The following GGT7 variants were observed in gnomAD, a reference collection of about 807,000 sequenced individuals.
The protein encoded by GGT7 is gamma-glutamyltransferase 7.
Under a neutral mutation model 69.2 loss-of-function variants are expected in GGT7, and 30 were observed. The ratio of observed to expected loss-of-function variants is 0.43; its 90% confidence interval spans 0.32 to 0.59. The LOEUF is 0.59. Among genes scored for constraint, GGT7 ranks in the 20% least tolerant of loss-of-function variants. The probability of loss-of-function intolerance (pLI) is 0.05; values close to 1 mark genes in which losing one functional copy is unlikely to be tolerated. For synonymous variants in GGT7, 388 were observed against 391.8 expected, an observed-to-expected ratio of 0.99 and a Z score of 0.12; for missense variants, 733 against 901.1, an observed-to-expected ratio of 0.81 and a Z score of 2.39.
chr20:34,845,302 C>G lies in GGT7; in HGVS notation c.*26G>C, dbSNP rs776258537. The stretch of plus-strand genomic sequence containing the variant: ...TCTGGGAACATGCAAAGTGGGGGAG[C>G]AGAGACCCCGCCCCACCCCGCTGCT... On this transcript the variant is annotated 3_prime_UTR_variant, in exon 15 of 15. Coordinates refer to ENST00000336431, the MANE Select transcript of GGT7 (RefSeq NM_178026.3). 5.6e-6 allele frequency: 9 copies of G among 1,594,824 alleles called. No homozygotes were observed. Among genetic ancestry groups the G allele is most frequent in the South Asian group, 1.1e-5 (1 of 89,034 alleles).
At chr20:34,854,661 T>C (rs540132652) in intron 9 of GGT7, 42 bp from the exon 10 acceptor site, 1 of 1,578,134 alleles carries the variant, frequency 6.3e-7, no homozygotes, top group African/African-American at 1.3e-5. Context: ...GCCAGGCCCC[T>C]CCCAGAACCC....
In GGT7 at chr20:34,852,552, G is replaced by C. The variant is rs758905905; in HGVS notation, c.1320-14C>G. The stretch of plus-strand genomic sequence containing the variant: ...GCCTCCACCTTGCTGAAAAGACAAG[G>C]GGTGGGAGATGAGCAAACAACAGGC... On this transcript the variant is annotated splice_polypyrimidine_tract_variant and intron_variant, in intron 10 of 14. Coordinates refer to ENST00000336431, the MANE Select transcript of GGT7 (RefSeq NM_178026.3). The C allele has an allele frequency of 6.4e-7, 1 of 1,562,020 alleles. No homozygotes were observed. The highest frequency in any genetic ancestry group is 1.2e-5 in the South Asian group (1 of 84,976).
At chr20:34,858,493 A>C (rs2079530979) in intron 7 of GGT7, among the ~76,000 whole-genome samples, 1 of 152,204 alleles carries the variant, frequency 6.6e-6, no homozygotes, top group Admixed American at 6.5e-5. Context: ...TAATTCCCAC[A>C]ACTGTATGGC....
intron 14 of GGT7, among the ~76,000 whole-genome samples, chr20:34,849,684 A>C (rs932113765): frequency 2.6e-5 from 4 of 152,206 alleles, no homozygotes; most frequent in Non-Finnish European, 4.4e-5. Context: ...CAAACTGTTG[A>C]GTAAATGAAA....
At chr20:34,867,095 T>C (rs1345663445) in intron 1 of GGT7, among the ~76,000 whole-genome samples, 3 of 152,040 alleles carry the variant, frequency 2.0e-5, no homozygotes, top group Non-Finnish European at 2.9e-5. Flanking sequence ...TTGCTGTTGC[T>C]GTTGTTGTTA....
rs182382413 is a variant in GGT7, at chr20:34,849,843, C to T, written c.1825+118G>A. On this transcript the variant is annotated intron_variant, in intron 14 of 14. Transcript: ENST00000336431. ...GTTCACTGCTCCAATAGAAATTTGC[C>T]AAATAAAACCAAACTTCACTGGCAG... The T allele has an allele frequency of 8.0e-5, 48 of 601,208 alleles. 1 individual carries two copies. Among genetic ancestry groups the T allele is most frequent in the Middle Eastern group, 4.5e-4 (1 of 2,226 alleles). 37.2% of individuals were successfully genotyped at this position (601,208 alleles called of 1,614,324 possible). A position where few individuals can be genotyped will look rare whatever the true frequency, so the allele number is the denominator to read the frequency against.
chr20:34,849,986 C>T lies in GGT7; in HGVS notation c.1800G>A (p.Leu600=), dbSNP rs2079362412. 2 of 1,612,610 alleles carry T rather than the reference C, an allele frequency of 1.2e-6. No individual in the cohort carries two copies. The highest frequency in any genetic ancestry group is 8.5e-7 in the Non-Finnish European group (1 of 1,178,860). ...TGTCCACCTGCAGGAGGTTGGACTG[C>T]AGGTCCGGGTGTAGGCGGCCGCGGG... ...SLARGRLHPD[L]QSNLLQVDSE... Residue 600 remains leucine (L), a synonymous_variant, in exon 14 of 15, where the codon CTG becomes CTA. Transcript: ENST00000336431.
At chr20:34,859,738 C>T (rs923961596) in intron 6 of GGT7, 99 bp from the exon 7 acceptor site, 17 of 1,013,458 alleles carry the variant, frequency 1.7e-5, no homozygotes, top group Non-Finnish European at 2.4e-5. Context: ...GTGGCCCACC[C>T]TAAGTGCCCT....
intron 8 of GGT7, among the ~76,000 whole-genome samples, chr20:34,855,206 C>T (rs1442522054): frequency 6.6e-6 from 1 of 152,196 alleles, no homozygotes; most frequent in East Asian, 1.9e-4. Flanking sequence ...AGTCACACTG[C>T]AGGCTATCAG....
chr20:34,859,828 G>T, intron 6 of GGT7, 141 bp downstream of exon 6: 1 of 785,712 alleles, frequency 1.3e-6, no homozygotes, highest in Non-Finnish European at 2.1e-6. Flanking sequence ...GCCGCCTCCA[G>T]GTGAGGGTGG....
chr20:34,864,267 A>G (rs2079652525), intron 1 of GGT7, among the ~76,000 whole-genome samples: 1 of 152,158 alleles, frequency 6.6e-6, no homozygotes, highest in East Asian at 1.9e-4. Flanking sequence ...GCTATAATGT[A>G]GAGCAAAGAG....
At position 34,845,016 on chromosome 20, in the gene GGT7, G is replaced by A. The variant is rs946990009; in HGVS notation, c.*312C>T. 1.0e-4 allele frequency: 37 copies of A among 357,418 alleles called. No individual in the cohort carries two copies. In the Admixed American group the frequency reaches 1.3e-3, roughly 12 times the overall value. 22.1% of individuals were successfully genotyped at this position (357,418 alleles called of 1,614,324 possible). On this transcript the variant is annotated 3_prime_UTR_variant, in exon 15 of 15. Transcript: ENST00000336431. Reference sequence around the variant, plus strand: ...GGTTTGCAAGCACATCCCTAAGCTCGGGGCCAGCATGGCTGAAGGAGGAGA... The same window carrying A: ...GGTTTGCAAGCACATCCCTAAGCTCAGGGCCAGCATGGCTGAAGGAGGAGA...
intron 1 of GGT7, among the ~76,000 whole-genome samples, chr20:34,871,975 T>C (rs183544807): frequency 5.9e-5 from 9 of 152,154 alleles, no homozygotes; most frequent in African/African-American, 2.2e-4. Context: ...GGGAACACAG[T>C]AAAATTCTGG....
At chr20:34,865,787 G>A (rs2079680788) in intron 1 of GGT7, among the ~76,000 whole-genome samples, 1 of 152,156 alleles carries the variant, frequency 6.6e-6, no homozygotes, top group South Asian at 2.1e-4. Context: ...CCATCCCATA[G>A]CTCCCTCCTC....
chr20:34,854,560 G>C lies in GGT7; in HGVS notation c.1290C>G (p.Thr430=). ...SRLGDPVYDS[T]ITESMDDMLS... ...GCATGTCATCCATGCTCTCAGTGAT[G>C]GTAGAATCATAGACGGGATCTCCCA... The change falls in exon 10 of 15, where the codon ACC becomes ACG. Residue 430 remains threonine (T), a synonymous_variant. Coordinates refer to ENST00000336431, the MANE Select transcript of GGT7 (RefSeq NM_178026.3). 1 of 1,612,452 alleles carries C rather than the reference G, an allele frequency of 6.2e-7. No homozygotes were observed. Among genetic ancestry groups the C allele is most frequent in the Admixed American group, 1.7e-5 (1 of 59,988 alleles).
At chr20:34,871,597 G>A (rs1205141129) in intron 1 of GGT7, among the ~76,000 whole-genome samples, 1 of 152,226 alleles carries the variant, frequency 6.6e-6, no homozygotes, top group Non-Finnish European at 1.5e-5. Context: ...TGCTGGTCAG[G>A]GCCAGATGAC....
Position 34,856,866 on chromosome 20 carries a change from C to A in GGT7, c.1042G>T (p.Glu348Ter). Residue 348 changes from glutamate to a stop codon, truncating the protein, a stop_gained, in exon 8 of 15, where the codon GAA becomes TAA. Coordinates refer to ENST00000336431, the MANE Select transcript of GGT7 (RefSeq NM_178026.3). LOFTEE classifies it high-confidence loss of function. ...EAQHAGGVIT[E>*]EDFSNYSALV... The stretch of plus-strand genomic sequence containing the variant: ...GCGCTGTAATTGCTGAAGTCCTCTT[C>A]GGTTATGACACCCCCTGCGTGCTGA... 6.2e-7 allele frequency: 1 copy of A among 1,610,832 alleles called. No individual in the cohort carries two copies. The highest frequency in any genetic ancestry group is 8.5e-7 in the Non-Finnish European group (1 of 1,177,244).
chr20:34,866,046 T>C (rs1311752430), intron 1 of GGT7, among the ~76,000 whole-genome samples: 2 of 152,250 alleles, frequency 1.3e-5, no homozygotes, highest in East Asian at 3.8e-4. Flanking sequence ...CGTGGTTCAC[T>C]GATGCCAACA....
intron 1 of GGT7, among the ~76,000 whole-genome samples, chr20:34,866,649 G>A (rs1302892028): frequency 1.3e-5 from 2 of 151,498 alleles, no homozygotes; most frequent in African/African-American, 2.4e-5. Context: ...GCGCAATCTC[G>A]GCTCACTGCA....
Sources: allele counts gnomAD v4.1 joint callset (sites outside exome capture counted in the v4.1 genomes callset), GRCh38; gene constraint gnomAD v4.1.1; transcripts MANE v1.5; gene names NCBI Gene and HGNC (gene_info 2026-07-23, HGNC 2026-07-21).